The following ITPKB variants were observed in gnomAD, a reference collection of about 807,000 sequenced individuals.
ITPKB encodes IP3 3-kinase B.
Under a neutral mutation model 69.4 loss-of-function variants are expected in ITPKB, and 13 were observed. That is an observed-to-expected ratio of 0.19 (90% confidence interval 0.12 to 0.30). The LOEUF (loss-of-function observed/expected upper bound fraction) is 0.30, where lower values mean the gene tolerates loss of function less well. ITPKB is among the 10% of genes least tolerant of loss of function. The pLI, the probability that ITPKB is intolerant of heterozygous loss-of-function variation, is 1.00. For synonymous variants in ITPKB, 584 were observed against 513.7 expected, an observed-to-expected ratio of 1.14 and a Z score of -1.85; for missense variants, 1,240 against 1,250.5, an observed-to-expected ratio of 0.99 and a Z score of 0.13.
intron 2 of ITPKB, among the ~76,000 whole-genome samples, chr1:226,713,871 G>T (rs1657033561): frequency 6.6e-6 from 1 of 152,146 alleles, no homozygotes; most frequent in Admixed American, 6.5e-5. Flanking sequence ...ACTTCAATCA[G>T]TTCTATCACT....
chr1:226,718,793 G>C (rs1263335185), intron 2 of ITPKB, among the ~76,000 whole-genome samples: 1 of 152,322 alleles, frequency 6.6e-6, no homozygotes, highest in Admixed American at 6.5e-5. Flanking sequence ...CCACTCTGGA[G>C]AGCAGTGTGG....
chr1:226,736,241 A>C lies in ITPKB; in HGVS notation c.1218T>G (p.Ser406=). ...TTVSVQSAES[S]DSLSWSRLPR... is the part of the protein sequence containing the mutation. Reference sequence around the variant, plus strand: ...GCAGCCTGGACCAGCTCAGGGAATCAGAGGACTCTGCGCTTTGCACGCTCA... The same window carrying C: ...GCAGCCTGGACCAGCTCAGGGAATCCGAGGACTCTGCGCTTTGCACGCTCA... The change falls in exon 2 of 8, where the codon TCT becomes TCG. Residue 406 remains serine (S), a synonymous_variant. Coordinates refer to ENST00000429204, the MANE Select transcript of ITPKB (RefSeq NM_002221.4). 1.3e-6 allele frequency: 2 copies of C among 1,550,886 alleles called. No individual in the cohort carries two copies. The highest frequency in any genetic ancestry group is 1.7e-6 in the Non-Finnish European group (2 of 1,151,084).
intron 2 of ITPKB, among the ~76,000 whole-genome samples, chr1:226,713,071 C>A (rs764469513): frequency 2.0e-5 from 3 of 149,376 alleles, no homozygotes; most frequent in Non-Finnish European, 4.4e-5. Flanking sequence ...TGCACACACA[C>A]ATACACACGT....
chr1:226,725,057 C>T (rs1657367085), intron 2 of ITPKB, among the ~76,000 whole-genome samples: 1 of 72,848 alleles, frequency 1.4e-5, no homozygotes, highest in Non-Finnish European at 3.3e-5. Context: ...CCCTGTTCCA[C>T]AACATGTACT....
At chr1:226,725,373 G>A (rs958767389) in intron 2 of ITPKB, among the ~76,000 whole-genome samples, 3 of 152,352 alleles carry the variant, frequency 2.0e-5, no homozygotes, top group South Asian at 2.1e-4. Context: ...ATCCAGCTCC[G>A]TGGAAAAGGA....
At position 226,642,496 on chromosome 1, in the gene ITPKB, G is replaced by T. The variant is rs771429390; in HGVS notation, c.2247-371C>A. ...GGTTGGCTCTTGATCCAGGAGAAAA[G>T]GTGCAGCCTCACTGAATCGGACTGC... On this transcript the variant is annotated intron_variant, in intron 4 of 7. Transcript: ENST00000429204. This position sits in a 1 kb window ranked among gnomAD's most constrained non-coding sequence, Gnocchi z 6.4. Among the ~76,000 whole-genome samples the T allele has an allele frequency of 6.6e-6, 1 of 152,046 alleles. No homozygotes were observed. Among genetic ancestry groups the T allele is most frequent in the Admixed American group, 6.5e-5 (1 of 15,272 alleles).
chr1:226,715,293 CTAGT>C (rs1314230275), intron 2 of ITPKB, among the ~76,000 whole-genome samples: 1 of 152,236 alleles, frequency 6.6e-6, no homozygotes, highest in Non-Finnish European at 1.5e-5. Flanking sequence ...TTTCTGAAAG[CTAGT>C]TAGTCGCAGG....
At chr1:226,654,380 AC>A (rs1669248692) in intron 2 of ITPKB, among the ~76,000 whole-genome samples, 1 of 152,138 alleles carries the variant, frequency 6.6e-6, no homozygotes, top group African/African-American at 2.4e-5. Flanking sequence ...TCCCCACGTC[AC>A]CTGGGAGTAG....
intron 2 of ITPKB, among the ~76,000 whole-genome samples, chr1:226,675,910 C>T (rs1052919593): frequency 5.3e-5 from 8 of 152,234 alleles, no homozygotes; most frequent in African/African-American, 1.7e-4. Flanking sequence ...ATTCTGCCCA[C>T]ACTTCTGTAG....
At chr1:226,722,579 A>G (rs1367344021) in intron 2 of ITPKB, among the ~76,000 whole-genome samples, 1 of 152,212 alleles carries the variant, frequency 6.6e-6, no homozygotes, top group African/African-American at 2.4e-5. Flanking sequence ...CATTCTGTGT[A>G]TATTTCCAGG....
chr1:226,723,547 G>A (rs1250178519), intron 2 of ITPKB, among the ~76,000 whole-genome samples: 1 of 151,978 alleles, frequency 6.6e-6, no homozygotes, highest in Non-Finnish European at 1.5e-5. Context: ...ACAGAGTAGT[G>A]TTGTTCTACA....
At chr1:226,721,219 A>T (rs936712279) in intron 2 of ITPKB, among the ~76,000 whole-genome samples, 3 of 131,974 alleles carry the variant, frequency 2.3e-5, no homozygotes, top group Admixed American at 7.5e-5. Flanking sequence ...GTGGTGGCAC[A>T]TGCCTGTAAT....
rs1323280763 is a variant in ITPKB, at chr1:226,705,845, T to C, written c.1932+29682A>G. Among the ~76,000 whole-genome samples the C allele has an allele frequency of 5.3e-5, 8 of 152,196 alleles. No homozygotes were observed. In the East Asian group the frequency reaches 1.3e-3, roughly 26 times the overall value. On this transcript the variant is annotated intron_variant, in intron 2 of 7. Transcript: ENST00000429204. ...TTAGGACTCCCTGTCAGGCAGGTCA[T>C]TTGAGGAATTAGAAACTCTGAAGTC... is the stretch of plus-strand genomic sequence containing the variant.
chr1:226,636,491 G>A (rs1392058886), intron 7 of ITPKB, among the ~76,000 whole-genome samples: 2 of 152,224 alleles, frequency 1.3e-5, no homozygotes, highest in African/African-American at 2.4e-5. Context: ...TGGTGGTGTA[G>A]TTTGCAGAAA....
At chr1:226,683,419 G>A (rs983135199) in intron 2 of ITPKB, among the ~76,000 whole-genome samples, 2 of 152,160 alleles carry the variant, frequency 1.3e-5, no homozygotes, top group African/African-American at 4.8e-5. Flanking sequence ...GGATTCATCG[G>A]TAAGAAAACA....
At chr1:226,635,971 C>T (rs377711183) in intron 7 of ITPKB, among the ~76,000 whole-genome samples, 9 of 152,152 alleles carry the variant, frequency 5.9e-5, no homozygotes, top group Non-Finnish European at 7.4e-5. Context: ...GGGCCCCTGG[C>T]GAGGCTGAGC....
At chr1:226,687,274 G>GT (rs1656238567) in intron 2 of ITPKB, among the ~76,000 whole-genome samples, 1 of 152,204 alleles carries the variant, frequency 6.6e-6, no homozygotes, top group African/African-American at 2.4e-5. Context: ...ATATAGAACC[G>GT]TAAGTTATTC....
chr1:226,735,206 A>G (rs1571882274), intron 2 of ITPKB, among the ~76,000 whole-genome samples: 1 of 152,348 alleles, frequency 6.6e-6, no homozygotes, highest in African/African-American at 2.4e-5. Flanking sequence ...ATTAGTCCAG[A>G]AGTTTTTGGT....
chr1:226,671,436 G>A (rs1387224230), intron 2 of ITPKB, among the ~76,000 whole-genome samples: 1 of 152,206 alleles, frequency 6.6e-6, no homozygotes, highest in African/African-American at 2.4e-5. Context: ...ATGGATTCAC[G>A]CATGCATGCA....
Sources: allele counts gnomAD v4.1 joint callset (sites outside exome capture counted in the v4.1 genomes callset), GRCh38; gene constraint gnomAD v4.1.1; non-coding constraint Gnocchi (gnomAD v3.1); transcripts MANE v1.5; gene names NCBI Gene and HGNC (gene_info 2026-07-23, HGNC 2026-07-21).